Variants in PCDHGA4 observed in about 807,000 individuals in gnomAD.
The protein encoded by PCDHGA4 is protocadherin gamma-A4.
PCDHGA4 carries 38 observed loss-of-function variants against 54.6 expected under a neutral mutation model. The ratio of observed to expected loss-of-function variants is 0.70; its 90% confidence interval spans 0.54 to 0.91. PCDHGA4 has a LOEUF of 0.91. Ranked by LOEUF, PCDHGA4 falls within the 40% of genes least tolerant of loss-of-function variation. The pLI is 0.00. For synonymous variants in PCDHGA4, 511 were observed against 512.9 expected (o/e 1.00, Z 0.05); for missense variants, 1,298 against 1,220.9 (o/e 1.06, Z -0.94).
intron 2 of PCDHGA4, among the ~76,000 whole-genome samples, chr5:141,501,136 G>A (rs909142955): frequency 6.6e-6 from 1 of 152,090 alleles, no homozygotes; most frequent in Non-Finnish European, 1.5e-5. Context: ...CTAAGTGCTG[G>A]GATTACAGGT....
chr5:141,361,023 A>T (rs1171139053), intron 1 of PCDHGA4: 1 of 1,613,384 alleles, frequency 6.2e-7, no homozygotes, highest in Non-Finnish European at 8.5e-7. Context: ...ACTTAAATGA[A>T]AAAACAGGAG....
chr5:141,498,437 G>C (rs996627716), intron 2 of PCDHGA4, among the ~76,000 whole-genome samples: 1 of 152,170 alleles, frequency 6.6e-6, no homozygotes, highest in Non-Finnish European at 1.5e-5. Flanking sequence ...GGGATGAAGA[G>C]GAGAGGTTCC....
intron 2 of PCDHGA4, among the ~76,000 whole-genome samples, chr5:141,502,253 T>C (rs1331834149): frequency 6.6e-6 from 1 of 152,232 alleles, no homozygotes; most frequent in South Asian, 2.1e-4. Context: ...TTTTTTTTAA[T>C]CCAGGATTTT....
rs1319078295 is a variant in PCDHGA4 at position 141,356,792 on chromosome 5, T to C, written c.1685T>C (p.Leu562Pro). 6.8e-6 allele frequency: 11 copies of C among 1,613,838 alleles called. No homozygotes were observed. Among genetic ancestry groups the C allele is most frequent in the African/African-American group, 4.0e-5 (3 of 75,038 alleles). ...GAGCAGTTTAGAGACCTGCAGCTGC[T>C]GATGACAGCCAGTGACAGTGGAGAC... ...DYEQFRDLQL[L>P]MTASDSGDPP... is the part of the protein sequence containing the mutation. Residue 562 changes from leucine (L) to proline (P), a missense_variant, in exon 1 of 4, where the codon CTG (leucine) becomes CCG (proline). Leu to Pro is a moderately conservative substitution (Grantham distance 98). Coordinates refer to ENST00000571252, the MANE Select transcript of PCDHGA4 (RefSeq NM_018917.4).
chr5:141,396,790 C>G (rs2093435054), intron 1 of PCDHGA4, among the ~76,000 whole-genome samples: 2 of 152,128 alleles, frequency 1.3e-5, no homozygotes. Flanking sequence ...AGGACATTTC[C>G]TAAGGATTGT....
At chr5:141,428,105 G>T in intron 1 of PCDHGA4, 4 of 1,608,184 alleles carry the variant, frequency 2.5e-6, no homozygotes, top group Non-Finnish European at 2.5e-6. Context: ...ACCACGTGCT[G>T]CAGGCCATCG....
At chr5:141,392,899 G>A in intron 1 of PCDHGA4, 1 of 1,613,820 alleles carries the variant, frequency 6.2e-7, no homozygotes, top group Admixed American at 1.7e-5. Flanking sequence ...ATCGGGAGGG[G>A]ACAGATTCGC....
chr5:141,470,100 G>A (rs1259251144), intron 1 of PCDHGA4, among the ~76,000 whole-genome samples: 2 of 152,178 alleles, frequency 1.3e-5, no homozygotes, highest in African/African-American at 4.8e-5. Context: ...CTACATTCCA[G>A]TCTGAGCAAC....
intron 1 of PCDHGA4, chr5:141,398,625 T>C (rs777533974): frequency 6.2e-7 from 1 of 1,614,046 alleles, no homozygotes; most frequent in South Asian, 1.1e-5. Context: ...GCTTAAACTC[T>C]CTGCAGAAGT....
rs1445450316 is a variant in PCDHGA4, at chr5:141,491,210, C to T, written c.2515-3597C>T. On this transcript the variant is annotated intron_variant, in intron 1 of 3. Coordinates refer to ENST00000571252, the MANE Select transcript of PCDHGA4 (RefSeq NM_018917.4). The surrounding 1 kb of genome is among the most constrained non-coding windows in gnomAD (Gnocchi z 6.9). ...AGGGACAATGGTGACCCTTCACTCT[C>T]CTCCACAGCCACAGTGCTGCTGGTT... The T allele has an allele frequency of 3.7e-6, 6 of 1,614,228 alleles. No homozygotes were observed. Among genetic ancestry groups the T allele is most frequent in the Non-Finnish European group, 3.4e-6 (4 of 1,180,032 alleles).
intron 1 of PCDHGA4, among the ~76,000 whole-genome samples, chr5:141,457,253 T>C (rs986838327): frequency 1.4e-4 from 22 of 152,196 alleles, no homozygotes; most frequent in Admixed American, 1.4e-3. Flanking sequence ...CTTGCCAACA[T>C]ATAGAATTCC....
At chr5:141,388,376 C>T in intron 1 of PCDHGA4, 3 of 1,613,944 alleles carry the variant, frequency 1.9e-6, no homozygotes, top group Non-Finnish European at 2.5e-6. Context: ...ATATTGGTAG[C>T]AACACACTGC....
chr5:141,401,841 CACTT>C (rs1043132396), intron 1 of PCDHGA4, among the ~76,000 whole-genome samples: 6 of 152,114 alleles, frequency 3.9e-5, no homozygotes, highest in Non-Finnish European at 8.8e-5. Flanking sequence ...CTTATAATAC[CACTT>C]ACTTTTAACC....
chr5:141,372,098 G>A lies in PCDHGA4; in HGVS notation c.2514+14477G>A. ...CGCTGGTGCTGTACCCAGCTCTGGG[G>A]CCCGAAGGCTCTGCGCTCTTCGATA... On this transcript the variant is annotated intron_variant, in intron 1 of 3. Transcript: ENST00000571252. The A allele has an allele frequency of 2.5e-6, 4 of 1,613,794 alleles. No individual in the cohort carries two copies. In the South Asian group the frequency reaches 4.4e-5, roughly 18 times the overall value.
chr5:141,438,806 C>T (rs866521707), intron 1 of PCDHGA4, among the ~76,000 whole-genome samples: 20 of 149,390 alleles, frequency 1.3e-4, no homozygotes, highest in Admixed American at 6.7e-4. Flanking sequence ...GGATTACAGG[C>T]GCCTGTCACC....
intron 1 of PCDHGA4, chr5:141,384,513 G>A: frequency 6.2e-7 from 1 of 1,614,200 alleles, no homozygotes; most frequent in Non-Finnish European, 8.5e-7. Context: ...ATGACAGCGG[G>A]GACCCGCCTC....
At chr5:141,371,159 G>T in intron 1 of PCDHGA4, 2 of 1,614,024 alleles carry the variant, frequency 1.2e-6, no homozygotes, top group Non-Finnish European at 1.7e-6. Context: ...CAGAGAACCT[G>T]CCCGCTGGCT....
Position 141,432,026 on chromosome 5 carries a change from A to G in PCDHGA4, c.2515-62781A>G, listed in dbSNP as rs1591124077. On this transcript the variant is annotated intron_variant, in intron 1 of 3. Coordinates refer to ENST00000571252, the MANE Select transcript of PCDHGA4 (RefSeq NM_018917.4). The surrounding 1 kb of genome is among the most constrained non-coding windows in gnomAD (Gnocchi z 6.0). ...GGTTCCTAGCTACAACATCACAGTG[A>G]CCGCCACTGACCGGGGAACCCCGCC... The G allele has an allele frequency of 1.9e-6, 3 of 1,614,152 alleles. 1 individual carries two copies. Among genetic ancestry groups the G allele is most frequent in the Middle Eastern group, 3.3e-4 (2 of 6,062 alleles).
chr5:141,395,115 C>T (rs1380601635), intron 1 of PCDHGA4: 1 of 1,614,192 alleles, frequency 6.2e-7, no homozygotes. Context: ...GAAGAGTCAC[C>T]TGATCTTTCC....
Sources: allele counts gnomAD v4.1 joint callset (sites outside exome capture counted in the v4.1 genomes callset), GRCh38; gene constraint gnomAD v4.1.1; non-coding constraint Gnocchi (gnomAD v3.1); transcripts MANE v1.5; gene names NCBI Gene and HGNC (gene_info 2026-07-23, HGNC 2026-07-21).